UBA6: variants seen among roughly 807,000 people sequenced by gnomAD.
UBA6 encodes the protein ubiquitin like modifier activating enzyme 6.
In UBA6, 87 loss-of-function variants were observed where a neutral mutation model predicts 148.3. That is an observed-to-expected ratio of 0.59 (90% CI 0.49 to 0.70). UBA6 has a LOEUF of 0.70. Among genes scored for constraint, UBA6 ranks in the 30% least tolerant of loss-of-function variants. UBA6 has a pLI of 0.00. For missense variants in UBA6, 1,186 were observed against 1,241.2 expected (o/e 0.96, Z 0.67); for synonymous variants, 376 against 401.0 (o/e 0.94, Z 0.75).
At chr4:67,693,487 A>G (rs1730747942) in intron 2 of UBA6, among the ~76,000 whole-genome samples, 1 of 152,184 alleles carries the variant, frequency 6.6e-6, no homozygotes. Context: ...CGACTGCACA[A>G]GAGGTAGGGT....
chr4:67,658,708 A>G (rs1729766681), intron 13 of UBA6, among the ~76,000 whole-genome samples: 1 of 152,240 alleles, frequency 6.6e-6, no homozygotes, highest in Non-Finnish European at 1.5e-5. Flanking sequence ...TGAAATGAAC[A>G]TGTAACAAAA....
chr4:67,694,239 A>C (rs552886822), intron 2 of UBA6, among the ~76,000 whole-genome samples: 8 of 141,106 alleles, frequency 5.7e-5, no homozygotes, highest in African/African-American at 2.0e-4. Flanking sequence ...AAAAAAAAAA[A>C]AAAAAGAAAA....
rs779947634 is a variant in UBA6 at position 67,668,552 on chromosome 4, C to T, written c.792G>A (p.Thr264=). The change falls in exon 9 of 33, where the codon ACG becomes ACA. Residue 264 remains threonine (T), a splice_region_variant and synonymous_variant. Transcript: ENST00000322244. ...TGLNGSIQQI[T]VISPFSFSIG... ...AATTAATAAAACACATTGACTTACCCGTTATTTGTTGTATAGATCCATTTA... is the reference window on the plus strand; with the variant it reads ...AATTAATAAAACACATTGACTTACCTGTTATTTGTTGTATAGATCCATTTA... 1.4e-5 allele frequency: 23 copies of T among 1,607,892 alleles called. No individual in the cohort carries two copies. Among genetic ancestry groups the T allele is most frequent in the East Asian group, 2.2e-5 (1 of 44,686 alleles).
At chr4:67,640,961 A>G (rs1729292206) in intron 18 of UBA6, among the ~76,000 whole-genome samples, 190 bp downstream of exon 18, 1 of 152,248 alleles carries the variant, frequency 6.6e-6, no homozygotes, top group South Asian at 2.1e-4. Flanking sequence ...TTCAATTCCA[A>G]AATCAATGCA....
chr4:67,660,539 G>A (rs999164324), intron 13 of UBA6, among the ~76,000 whole-genome samples: 4 of 152,182 alleles, frequency 2.6e-5, no homozygotes, highest in African/African-American at 9.7e-5. Context: ...GAAGTCAAGC[G>A]AGATTTGGGA....
intron 13 of UBA6, among the ~76,000 whole-genome samples, chr4:67,661,121 G>A (rs1370402028): frequency 6.6e-6 from 1 of 152,134 alleles, no homozygotes; most frequent in African/African-American, 2.4e-5. Context: ...TAGGTGGAAG[G>A]GACTTGCCTT....
chr4:67,676,027 T>A (rs948968570), intron 6 of UBA6, among the ~76,000 whole-genome samples: 3 of 149,132 alleles, frequency 2.0e-5, no homozygotes. Flanking sequence ...ACCTTTTTTT[T>A]TTTTTTTTTT....
At chr4:67,683,874 A>AC (rs1730498617) in intron 2 of UBA6, among the ~76,000 whole-genome samples, 1 of 152,126 alleles carries the variant, frequency 6.6e-6, no homozygotes, top group South Asian at 2.1e-4. Context: ...GGAGTTCAAG[A>AC]CCAGCCTGGG....
At chr4:67,643,603 T>C (rs1729356458) in intron 17 of UBA6, among the ~76,000 whole-genome samples, 1 of 152,088 alleles carries the variant, frequency 6.6e-6, no homozygotes, top group African/African-American at 2.4e-5. Context: ...ATAGAAACAC[T>C]TGTAAGTACC....
At chr4:67,691,662 C>T (rs1276374439) in intron 2 of UBA6, among the ~76,000 whole-genome samples, 1 of 152,102 alleles carries the variant, frequency 6.6e-6, no homozygotes, top group Non-Finnish European at 1.5e-5. Context: ...GTTGCAAGTG[C>T]TCCCAAGAAG....
chr4:67,677,024 T>C (rs1487954131), intron 6 of UBA6, among the ~76,000 whole-genome samples: 1 of 152,226 alleles, frequency 6.6e-6, no homozygotes, highest in Non-Finnish European at 1.5e-5. Context: ...CATGTATTTT[T>C]ACTCCCCTGT....
At position 67,631,776 on chromosome 4, in the gene UBA6, C is replaced by T; in HGVS notation, c.2195-5G>A. Reference sequence around the variant, plus strand: ...TTGGTGACTGCCAAAATAAACCTGGCAAAAAGATACAAATATCATTTTCAA... The same window carrying T: ...TTGGTGACTGCCAAAATAAACCTGGTAAAAAGATACAAATATCATTTTCAA... On this transcript the variant is annotated splice_region_variant and splice_polypyrimidine_tract_variant and intron_variant, in intron 24 of 32. Coordinates refer to ENST00000322244, the MANE Select transcript of UBA6 (RefSeq NM_018227.6). The T allele has an allele frequency of 6.2e-7, 1 of 1,610,912 alleles. No homozygotes were observed. Among genetic ancestry groups the T allele is most frequent in the Non-Finnish European group, 8.5e-7 (1 of 1,178,558 alleles).
intron 13 of UBA6, among the ~76,000 whole-genome samples, chr4:67,656,490 T>C (rs569942532): frequency 1.9e-4 from 29 of 152,194 alleles, no homozygotes; most frequent in Non-Finnish European, 3.5e-4. Flanking sequence ...CCTTTCATGC[T>C]AAAAACTCTC....
At chr4:67,669,278 A>G (rs1448702079) in intron 8 of UBA6, among the ~76,000 whole-genome samples, 1 of 152,200 alleles carries the variant, frequency 6.6e-6, no homozygotes, top group Non-Finnish European at 1.5e-5. Context: ...GTAAAAGGTT[A>G]AGTCTTAATA....
At chr4:67,688,829 G>A (rs972662352) in intron 2 of UBA6, among the ~76,000 whole-genome samples, 5 of 151,968 alleles carry the variant, frequency 3.3e-5, no homozygotes, top group Admixed American at 2.0e-4. Flanking sequence ...AAATCTAATT[G>A]TTTAGAAGGA....
At chr4:67,698,021 G>A (rs777841413) in intron 1 of UBA6, among the ~76,000 whole-genome samples, 1 of 152,086 alleles carries the variant, frequency 6.6e-6, no homozygotes, top group African/African-American at 2.4e-5. Flanking sequence ...CTCCGTTTTC[G>A]CTTACTATCT....
At chr4:67,626,501 T>A in intron 27 of UBA6, 24 bp from the exon 28 acceptor site, 8 of 1,369,166 alleles carry the variant, frequency 5.8e-6, no homozygotes, top group East Asian at 2.3e-5. Flanking sequence ...AATATATTTT[T>A]ATTAATGTTA....
In UBA6 at chr4:67,645,938, T is replaced by G; in HGVS notation, c.1395A>C (p.Leu465Phe). The part of the protein sequence containing the change: ...CQKLQNLNIF[L>F]VGCGAIGCEM... ...TATTCCCATGATTATTGATACTTAC[T>G]AAGAAGATGTTTAAATTTTGCAGTT... Residue 465 changes from leucine to phenylalanine, a missense_variant and splice_region_variant, in exon 16 of 33, where the codon TTA (leucine) becomes TTC (phenylalanine). Leu to Phe is a conservative substitution (Grantham distance 22). Coordinates refer to ENST00000322244, the MANE Select transcript of UBA6 (RefSeq NM_018227.6). 2.5e-6 allele frequency: 4 copies of G among 1,575,464 alleles called. No homozygotes were observed. The highest frequency in any genetic ancestry group is 3.5e-6 in the Non-Finnish European group (4 of 1,151,784).
intron 2 of UBA6, among the ~76,000 whole-genome samples, chr4:67,691,267 T>C (rs956079247): frequency 6.7e-5 from 10 of 150,002 alleles, no homozygotes; most frequent in Admixed American, 6.0e-4. Context: ...TATACACAAA[T>C]TATAAAAAGT....
Sources: allele counts gnomAD v4.1 joint callset (sites outside exome capture counted in the v4.1 genomes callset), GRCh38; gene constraint gnomAD v4.1.1; transcripts MANE v1.5; gene names NCBI Gene and HGNC (gene_info 2026-07-23, HGNC 2026-07-21).